Variants in ATAD2 observed in about 807,000 individuals in gnomAD.
ATAD2 encodes the protein ATPase family AAA domain-containing protein 2.
A neutral mutation model predicts 168.9 loss-of-function variants in ATAD2; 62 were observed. The ratio of observed to expected loss-of-function variants is 0.37; its 90% CI spans 0.30 to 0.45. The LOEUF is 0.45. ATAD2 is among the 20% of genes least tolerant of loss of function. ATAD2 has a pLI of 1.00. For missense variants in ATAD2, 1,419 were observed against 1,667.8 expected (o/e 0.85, Z 2.60); for synonymous variants, 613 against 571.6 (o/e 1.07, Z -1.03).
chr8:123,351,021 C>T (rs1828438950), intron 13 of ATAD2, among the ~76,000 whole-genome samples: 1 of 152,052 alleles, frequency 6.6e-6, no homozygotes, highest in Admixed American at 6.6e-5. Context: ...CAGACGTGAG[C>T]CACTGCACCC....
At chr8:123,373,626 CA>C (rs1281038720) in intron 2 of ATAD2, among the ~76,000 whole-genome samples, 1 of 151,338 alleles carries the variant, frequency 6.6e-6, no homozygotes, top group Non-Finnish European at 1.5e-5. Context: ...GTCTCTACTA[CA>C]AATACAAAAA....
intron 13 of ATAD2, among the ~76,000 whole-genome samples, chr8:123,350,301 G>A (rs1036773389): frequency 2.0e-5 from 3 of 151,778 alleles, no homozygotes; most frequent in South Asian, 2.1e-4. Context: ...ATAAAACCTC[G>A]GACACACAGT....
chr8:123,395,578 A>C (rs769680042), intron 1 of ATAD2, among the ~76,000 whole-genome samples: 3 of 152,206 alleles, frequency 2.0e-5, no homozygotes, highest in Non-Finnish European at 2.9e-5. Context: ...AAGAGATAGC[A>C]CAACTACGCA....
At chr8:123,409,038 G>C (rs1413616462) in intron 1 of ATAD2, among the ~76,000 whole-genome samples, 1 of 149,682 alleles carries the variant, frequency 6.7e-6, no homozygotes, top group Admixed American at 6.6e-5. Flanking sequence ...GTGTTGGCCA[G>C]ACTCATCTAA....
At chr8:123,407,847 C>A (rs559837867) in intron 1 of ATAD2, among the ~76,000 whole-genome samples, 2 of 96,682 alleles carry the variant, frequency 2.1e-5, no homozygotes, top group Non-Finnish European at 2.0e-5. Context: ...AGTGAGACTC[C>A]GTCTCAAAAA....
intron 2 of ATAD2, among the ~76,000 whole-genome samples, chr8:123,373,474 T>C (rs1450043844): frequency 6.6e-6 from 1 of 151,874 alleles, no homozygotes; most frequent in African/African-American, 2.4e-5. Flanking sequence ...AATACTAAGA[T>C]ACCTAAAAAC....
intron 13 of ATAD2, among the ~76,000 whole-genome samples, chr8:123,354,499 A>T (rs1828568073): frequency 6.6e-6 from 1 of 152,056 alleles, no homozygotes; most frequent in Non-Finnish European, 1.5e-5. Context: ...TAAAGTCAGG[A>T]GTTCAGGACC....
At chr8:123,328,798 ATTTT>A (rs35015706) in intron 24 of ATAD2, among the ~76,000 whole-genome samples, 1 of 126,914 alleles carries the variant, frequency 7.9e-6, no homozygotes. Flanking sequence ...TTATCTTGAA[ATTTT>A]TTTTTTTTTT....
chr8:123,372,634 T>C lies in ATAD2; in HGVS notation c.370+3A>G, dbSNP rs753965352. On this transcript the variant is annotated splice_donor_region_variant and intron_variant, in intron 3 of 27. Transcript: ENST00000287394. The stretch of plus-strand genomic sequence containing the variant: ...GATCTGAAATGACTTTAACAGTACT[T>C]ACCTTCTCTGTGCTCTTCTTTTTTT... The C allele has an allele frequency of 2.5e-6, 4 of 1,586,396 alleles. No individual in the cohort carries two copies. The highest frequency in any genetic ancestry group is 3.4e-4 in the Middle Eastern group (2 of 5,946).
chr8:123,386,435 C>A (rs1381110670), intron 1 of ATAD2, among the ~76,000 whole-genome samples: 2 of 152,072 alleles, frequency 1.3e-5, no homozygotes, highest in Non-Finnish European at 2.9e-5. Flanking sequence ...TATGATTAGT[C>A]TAGGAATATG....
intron 8 of ATAD2, among the ~76,000 whole-genome samples, chr8:123,367,749 T>G (rs1829025587): frequency 6.6e-6 from 1 of 152,164 alleles, no homozygotes; most frequent in Non-Finnish European, 1.5e-5. Context: ...ACCCTGGTCA[T>G]GTGAAATAGG....
chr8:123,348,393 C>G, intron 14 of ATAD2, 120 bp from the exon 15 acceptor site: 1 of 754,374 alleles, frequency 1.3e-6, no homozygotes, highest in Non-Finnish European at 2.0e-6. Flanking sequence ...GTACTTAATA[C>G]TGGCCGGGTG....
chr8:123,321,281 G>T, intron 27 of ATAD2, 106 bp from the exon 28 acceptor site: 1 of 969,150 alleles, frequency 1.0e-6, no homozygotes, highest in Middle Eastern at 2.8e-4. Flanking sequence ...TTAATATTCA[G>T]GTATATATTT....
chr8:123,370,775 G>A, intron 6 of ATAD2, 128 bp downstream of exon 6: 1 of 649,832 alleles, frequency 1.5e-6, no homozygotes, highest in South Asian at 2.3e-5. Flanking sequence ...CCACTTTTAA[G>A]TTACCAATCC....
At chr8:123,329,230 T>C (rs1393953034) in intron 24 of ATAD2, among the ~76,000 whole-genome samples, 1 of 152,130 alleles carries the variant, frequency 6.6e-6, no homozygotes, top group African/African-American at 2.4e-5. Context: ...AGACTTGAAA[T>C]AGGCTACACT....
chr8:123,375,023 G>A (rs939208846), intron 2 of ATAD2, among the ~76,000 whole-genome samples: 1 of 152,140 alleles, frequency 6.6e-6, no homozygotes. Flanking sequence ...AAAAAGAATG[G>A]AAAGGAAGGA....
intron 1 of ATAD2, among the ~76,000 whole-genome samples, chr8:123,411,156 C>T (rs1813149980): frequency 6.6e-6 from 1 of 152,048 alleles, no homozygotes; most frequent in Non-Finnish European, 1.5e-5. Context: ...TTTTGGAGAC[C>T]CTGAAGGGAC....
chr8:123,411,766 AAAAT>A (rs760260482), intron 1 of ATAD2, among the ~76,000 whole-genome samples: 19 of 152,194 alleles, frequency 1.2e-4, no homozygotes, highest in African/African-American at 4.1e-4. Flanking sequence ...TGCAACTGCA[AAAAT>A]AAATAAATAA....
At position 123,333,900 on chromosome 8, in the gene ATAD2, A is replaced by G. The variant is rs1433717837; in HGVS notation, c.3456T>C (p.Thr1152=). 2 of 1,614,044 alleles carry G rather than the reference A, an allele frequency of 1.2e-6. No homozygotes were observed. The highest frequency in any genetic ancestry group is 8.5e-7 in the Non-Finnish European group (1 of 1,179,932). The change falls in exon 24 of 28, where the codon ACT becomes ACC. Residue 1152 remains threonine, a synonymous_variant. Transcript: ENST00000287394. ...TACCAGGAGTGCTGCAAGCCACAGG[A>G]GTACTCGGTGTCTTTAGCTTTTCAT... ...EQNEKLKTPS[T]PVACSTPAQL...
Sources: gnomAD v4.1 joint callset for allele counts (sites outside exome capture counted in the v4.1 genomes callset) on GRCh38, gnomAD v4.1.1 for gene constraint, MANE v1.5 for transcripts, NCBI Gene and HGNC (gene_info 2026-07-23, HGNC 2026-07-21) for gene names.